The following CLCNKB variants were observed in gnomAD, a reference collection of about 807,000 sequenced individuals.
The protein encoded by CLCNKB is chloride channel protein ClC-Kb.
Under a neutral mutation model 83.8 loss-of-function variants are expected in CLCNKB, and 74 were observed. The ratio of observed to expected loss-of-function variants is 0.88; its 90% CI spans 0.73 to 1.07. CLCNKB has a LOEUF of 1.07. CLCNKB is among the 50% of genes least tolerant of loss of function. The pLI is 0.00. For synonymous variants in CLCNKB, 358 were observed against 356.6 expected (o/e 1.00, Z -0.04); for missense variants, 798 against 893.6 (o/e 0.89, Z 1.36).
intron 6 of CLCNKB, 37 bp downstream of exon 6, chr1:16,048,457 T>C (rs1180532489): frequency 6.2e-7 from 1 of 1,612,538 alleles, no homozygotes; most frequent in Admixed American, 1.7e-5. Context: ...GAAATGGGAG[T>C]GGGGAGGGAG....
chr1:16,049,251 C>G lies in CLCNKB; in HGVS notation c.781+6C>G. ...GGTCTTCAACAGCGAGCAGGGTGAGCCCCCTGGGCTGCCTGACCCTGGCCC... is the reference window on the plus strand; with the variant it reads ...GGTCTTCAACAGCGAGCAGGGTGAGGCCCCTGGGCTGCCTGACCCTGGCCC... On this transcript the variant is annotated splice_donor_region_variant and intron_variant, in intron 8 of 19. Transcript: ENST00000375679. The G allele has an allele frequency of 6.2e-7, 1 of 1,613,428 alleles. No individual in the cohort carries two copies. Among genetic ancestry groups the G allele is most frequent in the African/African-American group, 1.3e-5 (1 of 74,942 alleles).
Position 16,049,878 on chromosome 1 carries a change from C to A in CLCNKB, c.930C>A (p.Ile310=), listed in dbSNP as rs1292400273. 6.2e-7 allele frequency: 1 copy of A among 1,613,948 alleles called. No individual in the cohort carries two copies. Among genetic ancestry groups the A allele is most frequent in the Admixed American group, 1.7e-5 (1 of 60,008 alleles). The change falls in exon 10 of 20, where the codon ATC becomes ATA. Residue 310 remains isoleucine, a synonymous_variant. Transcript: ENST00000375679. ...LFCQRIFFGF[I]RNNRFSSKLL... ...GTCAGCGAATCTTCTTTGGCTTCAT[C>A]AGGAACAATAGGTTCAGCTCCAAAC...
chr1:16,045,409 C>G (rs2023069137), intron 2 of CLCNKB, 149 bp from the exon 3 acceptor site: 3 of 896,904 alleles, frequency 3.3e-6, no homozygotes, highest in Non-Finnish European at 5.1e-6. Context: ...TTATGTGAGG[C>G]AGGGCCCCCT....
Position 16,056,482 on chromosome 1 carries a change from G to T in CLCNKB, c.1990G>T (p.Ala664Ser), listed in dbSNP as rs541560262. 6.2e-7 allele frequency: 1 copy of T among 1,613,734 alleles called. No homozygotes were observed. The highest frequency in any genetic ancestry group is 2.2e-5 in the East Asian group (1 of 44,868). The change falls in exon 19 of 20, where the codon GCT becomes TCT. Residue 664 changes from alanine (A) to serine (S), a missense_variant. By Grantham distance (99) the Ala-to-Ser change is moderately conservative. Transcript: ENST00000375679. ...CCTCTTTGTGACGTCGCGGGGCAGAGCTGTGGGCTGCGTGTCCTGGGTGGA... is the reference window on the plus strand; with the variant it reads ...CCTCTTTGTGACGTCGCGGGGCAGATCTGTGGGCTGCGTGTCCTGGGTGGA... Reference protein sequence around the residue: ...HSLFVTSRGRAVGCVSWVEMK... With the variant: ...HSLFVTSRGRSVGCVSWVEMK...
intron 5 of CLCNKB, 149 bp from the exon 6 acceptor site, chr1:16,048,194 G>T: frequency 3.5e-6 from 5 of 1,432,196 alleles, no homozygotes; most frequent in African/African-American, 1.4e-5. Context: ...GGCAGGCCAG[G>T]TCCCCGGAGT....
At chr1:16,048,890 C>T in intron 7 of CLCNKB, 1 of 1,446,592 alleles carries the variant, frequency 6.9e-7, no homozygotes, top group Non-Finnish European at 9.0e-7. Context: ...GCAACCGTCC[C>T]CACCCGATAG....
chr1:16,050,836 G>A, intron 11 of CLCNKB, 39 bp from the exon 12 acceptor site: 1 of 1,610,544 alleles, frequency 6.2e-7, no homozygotes, highest in Non-Finnish European at 8.5e-7. Context: ...TCTGCCGCTG[G>A]GGGCCCCTCA....
At position 16,049,914 on chromosome 1, in the gene CLCNKB, C is replaced by G; in HGVS notation, c.966C>G (p.Thr322=). 1.3e-6 allele frequency: 2 copies of G among 1,597,956 alleles called. No homozygotes were observed. Among genetic ancestry groups the G allele is most frequent in the Non-Finnish European group, 1.7e-6 (2 of 1,171,888 alleles). ...NNRFSSKLLA[T]SKPVYSALAT... ...GGTTCAGCTCCAAACTGCTGGCCAC[C>G]AGGTAGGCTCCGGGCTAAGGGCTGG... is the stretch of plus-strand genomic sequence containing the variant. Residue 322 remains threonine, a splice_region_variant and synonymous_variant, in exon 10 of 20, where the codon ACC becomes ACG. Coordinates refer to ENST00000375679, the MANE Select transcript of CLCNKB (RefSeq NM_000085.5).
intron 1 of CLCNKB, 103 bp from the exon 2 acceptor site, chr1:16,044,383 A>ACACACACACTCAC: frequency 1.2e-6 from 1 of 851,892 alleles, no homozygotes; most frequent in Non-Finnish European, 1.9e-6. Flanking sequence ...ACACACGCAC[A>ACACACACACTCAC]ATCTTTCCTC....
At chr1:16,050,367 C>T in intron 10 of CLCNKB, 149 bp from the exon 11 acceptor site, 2 of 838,032 alleles carry the variant, frequency 2.4e-6, no homozygotes, top group Admixed American at 2.0e-5. Flanking sequence ...TGGGGCTGAC[C>T]CCACAGGTTC....
intron 19 of CLCNKB, 93 bp downstream of exon 19, chr1:16,056,601 C>A (rs1028633290): frequency 2.7e-5 from 33 of 1,208,948 alleles, no homozygotes; most frequent in African/African-American, 4.5e-5. Context: ...CACCAGCATG[C>A]TCCCATCCAA....
intron 4 of CLCNKB, among the ~76,000 whole-genome samples, chr1:16,046,981 G>A (rs1325456809): frequency 6.6e-6 from 1 of 152,178 alleles, no homozygotes. Flanking sequence ...CCTGCCTCCT[G>A]CTCCAGGCCA....
intron 16 of CLCNKB, among the ~76,000 whole-genome samples, chr1:16,054,292 C>T (rs2023380624): frequency 6.6e-6 from 1 of 152,176 alleles, no homozygotes; most frequent in African/African-American, 2.4e-5. Flanking sequence ...GGTAACCCTG[C>T]TCACTCAAGG....
chr1:16,050,320 T>A (rs527996169), intron 10 of CLCNKB, among the ~76,000 whole-genome samples, 196 bp from the exon 11 acceptor site: 9 of 152,082 alleles, frequency 5.9e-5, no homozygotes, highest in African/African-American at 2.2e-4. Context: ...GCCCCAATTC[T>A]CCTATCAGCC....
Position 16,056,430 on chromosome 1 carries a change from C to G in CLCNKB, c.1938C>G (p.Asn646Lys), listed in dbSNP as rs958070474. 3 of 1,614,122 alleles carry G rather than the reference C, an allele frequency of 1.9e-6. No individual in the cohort carries two copies. Among genetic ancestry groups the G allele is most frequent in the Admixed American group, 3.3e-5 (2 of 60,024 alleles). Residue 646 changes from asparagine (N) to lysine (K), a missense_variant, in exon 19 of 20, where the codon AAC (asparagine) becomes AAG (lysine). Coordinates refer to ENST00000375679, the MANE Select transcript of CLCNKB (RefSeq NM_000085.5). ...TAACATCCCCCATCCAGGCACACAA[C>G]CTCTTTGAGCTGTTGAACCTTCATT... Reference protein sequence around the residue: ...SPETSLHEAHNLFELLNLHSL... With the variant: ...SPETSLHEAHKLFELLNLHSL...
Position 16,050,760 on chromosome 1 carries a change from G to GC in CLCNKB, c.1054-109dup, listed in dbSNP as rs918198207. Reference sequence around the variant, plus strand: ...TCGGGAGGTCAGAGCCCTGCCCAAGGCCCCCCGCTGGGAAGTGGCAGAGGA... The same window carrying GC: ...TCGGGAGGTCAGAGCCCTGCCCAAGGCCCCCCCGCTGGGAAGTGGCAGAGGA... On this transcript the variant is annotated intron_variant, in intron 11 of 19. Transcript: ENST00000375679. 38 of 1,550,172 alleles carry GC rather than the reference G, an allele frequency of 2.5e-5. No homozygotes were observed. In the Admixed American group the frequency reaches 3.1e-4, roughly 13 times the overall value.
chr1:16,055,308 G>A, intron 16 of CLCNKB, 127 bp from the exon 17 acceptor site: 1 of 797,292 alleles, frequency 1.3e-6, no homozygotes, highest in Non-Finnish European at 2.2e-6. Flanking sequence ...CCTTTATAAT[G>A]GGTGACAATA....
At chr1:16,048,137 G>A in intron 5 of CLCNKB, 93 bp downstream of exon 5, 2 of 1,511,724 alleles carry the variant, frequency 1.3e-6, no homozygotes, top group South Asian at 2.5e-5. Context: ...CGTCAGAGGG[G>A]ACTTGGGCTG....
Position 16,049,800 on chromosome 1 carries a change from C to A in CLCNKB, c.867-15C>A, listed in dbSNP as rs367614980. 2.2e-5 allele frequency: 35 copies of A among 1,613,716 alleles called. No individual in the cohort carries two copies. The Middle Eastern group carries it at 4.9e-4, about 23-fold the overall frequency. ...CTGGGGTCGGGCTCTGGGCTCATGT[C>A]TCCATGCTCCCCAGGGGTCTCTGTG... On this transcript the variant is annotated splice_polypyrimidine_tract_variant and intron_variant, in intron 9 of 19. Coordinates refer to ENST00000375679, the MANE Select transcript of CLCNKB (RefSeq NM_000085.5).
Sources: allele counts gnomAD v4.1 joint callset (sites outside exome capture counted in the v4.1 genomes callset), GRCh38; gene constraint gnomAD v4.1.1; transcripts MANE v1.5; gene names NCBI Gene and HGNC (gene_info 2026-07-23, HGNC 2026-07-21).